Variants in DNM1L observed in about 807,000 individuals in gnomAD.
DNM1L encodes the protein dynamin 1L.
DNM1L carries 33 observed loss-of-function variants against 92.8 expected under a neutral mutation model. The ratio of observed to expected loss-of-function variants is 0.36; its 90% CI spans 0.27 to 0.48. The LOEUF is 0.48. Ranked by LOEUF, DNM1L falls within the 20% of genes least tolerant of loss-of-function variation. The probability of loss-of-function intolerance (pLI) is 0.99; values close to 1 mark genes in which losing one functional copy is unlikely to be tolerated. For synonymous variants in DNM1L, 284 were observed against 305.0 expected (o/e 0.93, Z 0.72); for missense variants, 485 against 888.8 (o/e 0.55, Z 5.78).
At chr12:32,727,026 A>G in intron 9 of DNM1L, 2 of 739,200 alleles carry the variant, frequency 2.7e-6, no homozygotes, top group Non-Finnish European at 5.0e-6. Flanking sequence ...GAGCAAGTCA[A>G]CATTCTTAAA....
At chr12:32,727,419 G>C in intron 9 of DNM1L, 1 of 736,964 alleles carries the variant, frequency 1.4e-6, no homozygotes, top group Non-Finnish European at 2.5e-6. Flanking sequence ...GAAGCCAGGC[G>C]GCTGGAGCTG....
At chr12:32,722,740 A>G (rs1953862844) in intron 9 of DNM1L, 107 bp downstream of exon 9, 5 of 844,614 alleles carry the variant, frequency 5.9e-6, no homozygotes, top group Admixed American at 2.2e-5. Context: ...TTTATTTTCT[A>G]TAAAACAAAA....
Position 32,713,230 on chromosome 12 carries a change from A to G in DNM1L, c.478A>G (p.Lys160Glu), listed in dbSNP as rs2137372835. 6 of 1,613,958 alleles carry G rather than the reference A, an allele frequency of 3.7e-6. No individual in the cohort carries two copies. The highest frequency in any genetic ancestry group is 8.5e-7 in the Non-Finnish European group (1 of 1,179,958). ...MTKVPVGDQPKDIELQIRELI... is the reference protein window; with the variant it reads ...MTKVPVGDQPEDIELQIRELI... The stretch of plus-strand genomic sequence containing the variant: ...TTAGGTGCCTGTAGGTGATCAACCT[A>G]AGGATATTGAGCTTCAAATCAGAGA... Residue 160 changes from lysine to glutamate, a missense_variant, in exon 6 of 20, where the codon AAG becomes GAG. Coordinates refer to ENST00000549701, the MANE Select transcript of DNM1L (RefSeq NM_012062.5).
intron 16 of DNM1L, 65 bp from the exon 17 acceptor site, chr12:32,739,999 T>A: frequency 6.2e-7 from 1 of 1,605,798 alleles, no homozygotes; most frequent in Non-Finnish European, 8.5e-7. Context: ...TCAAATAAAA[T>A]GAACTTTGTT....
At chr12:32,712,413 T>G (rs1953164450) in intron 5 of DNM1L, among the ~76,000 whole-genome samples, 1 of 152,142 alleles carries the variant, frequency 6.6e-6, no homozygotes, top group Non-Finnish European at 1.5e-5. Context: ...GCTCATTCTC[T>G]TAAGTGTCAG....
chr12:32,701,879 C>A (rs986767587), intron 2 of DNM1L, among the ~76,000 whole-genome samples: 1 of 151,770 alleles, frequency 6.6e-6, no homozygotes, highest in Admixed American at 6.6e-5. Context: ...AGGCGCCCCC[C>A]ACCATGCCCA....
At chr12:32,687,029 C>T (rs1952043264) in intron 1 of DNM1L, among the ~76,000 whole-genome samples, 1 of 149,294 alleles carries the variant, frequency 6.7e-6, no homozygotes, top group Admixed American at 6.8e-5. Context: ...GATCCGCCTG[C>T]CTTGGCCTCC....
At chr12:32,726,667 A>G (rs1457646722) in intron 9 of DNM1L, 4 of 708,550 alleles carry the variant, frequency 5.6e-6, no homozygotes, top group Non-Finnish European at 9.9e-6. Context: ...TTAAAGAAAG[A>G]GTCATTGGAA....
intron 1 of DNM1L, 75 bp from the exon 2 acceptor site, chr12:32,701,340 G>T: frequency 7.8e-7 from 1 of 1,273,962 alleles, no homozygotes; most frequent in Non-Finnish European, 1.1e-6. Flanking sequence ...ATGCTGGTTT[G>T]TTAATATAGT....
intron 6 of DNM1L, among the ~76,000 whole-genome samples, chr12:32,718,008 A>T (rs371224550): frequency 0.011 from 1,304 of 113,688 alleles, 42 homozygotes; most frequent in African/African-American, 0.044. Context: ...TATATAATAT[A>T]TATAGTATAT....
intron 1 of DNM1L, 93 bp downstream of exon 1, chr12:32,679,558 T>A: frequency 6.9e-7 from 1 of 1,456,742 alleles, no homozygotes; most frequent in Non-Finnish European, 9.3e-7. Flanking sequence ...CAGCGCCCAC[T>A]CCCGCGCCAG....
chr12:32,742,451 A>G lies in DNM1L; in HGVS notation c.1995-138A>G. 5.4e-6 allele frequency: 6 copies of G among 1,106,266 alleles called. No individual in the cohort carries two copies. The South Asian group carries it at 7.1e-5, about 13-fold the overall frequency. 68.5% of individuals were successfully genotyped at this position (1,106,266 alleles called of 1,614,324 possible). ...TAATTACAGTTAAGCAAAAATCTAA[A>G]GGGCGATTATGCCATTAATGAAATA... is the stretch of plus-strand genomic sequence containing the variant. On this transcript the variant is annotated intron_variant, in intron 18 of 19. Transcript: ENST00000549701.
intron 1 of DNM1L, chr12:32,692,823 G>T (rs1952284878): frequency 6.6e-6 from 1 of 152,186 alleles, no homozygotes; most frequent in African/African-American, 2.4e-5. Flanking sequence ...CTCACTATCA[G>T]TCACAAAGTA....
At chr12:32,699,242 T>C (rs1417779550) in intron 1 of DNM1L, among the ~76,000 whole-genome samples, 1 of 152,214 alleles carries the variant, frequency 6.6e-6, no homozygotes, top group Non-Finnish European at 1.5e-5. Context: ...TGGTGAATTA[T>C]GTTAAGATAT....
chr12:32,691,606 G>T (rs941337227), intron 1 of DNM1L, among the ~76,000 whole-genome samples: 2 of 152,138 alleles, frequency 1.3e-5, no homozygotes, highest in African/African-American at 4.8e-5. Context: ...ACATTCCGAG[G>T]TACTGGGGGT....
At chr12:32,715,744 A>ATT (rs1953335265) in intron 6 of DNM1L, among the ~76,000 whole-genome samples, 1 of 152,156 alleles carries the variant, frequency 6.6e-6, no homozygotes, top group African/African-American at 2.4e-5. Flanking sequence ...AAAAAGAAAA[A>ATT]TGCTTGTAAC....
intron 1 of DNM1L, among the ~76,000 whole-genome samples, chr12:32,687,383 GGA>G (rs1355645017): frequency 6.6e-6 from 1 of 151,906 alleles, no homozygotes; most frequent in African/African-American, 2.4e-5. Context: ...ACCATTTGTT[GGA>G]GAGACTGTTC....
chr12:32,710,641 A>G (rs1953090606), intron 4 of DNM1L, among the ~76,000 whole-genome samples: 1 of 151,668 alleles, frequency 6.6e-6, no homozygotes, highest in Admixed American at 6.6e-5. Context: ...AAAAGAAAGC[A>G]AAGGAAAAAT....
chr12:32,740,311 A>T (rs1955199622), intron 17 of DNM1L, 71 bp downstream of exon 17: 2 of 1,612,018 alleles, frequency 1.2e-6, no homozygotes, highest in African/African-American at 2.7e-5. Context: ...TTAGACAGAA[A>T]GAACTAAAAG....
Sources: allele counts gnomAD v4.1 joint callset (sites outside exome capture counted in the v4.1 genomes callset), GRCh38; gene constraint gnomAD v4.1.1; transcripts MANE v1.5; gene names NCBI Gene and HGNC (gene_info 2026-07-23, HGNC 2026-07-21).